The following ZSCAN32 variants were observed in gnomAD, a reference collection of about 807,000 sequenced individuals.
ZSCAN32 encodes zinc finger and SCAN domain containing 32.
Under a neutral mutation model 47.4 loss-of-function variants are expected in ZSCAN32, and 52 were observed. That is an observed-to-expected ratio of 1.10 (90% CI 0.88 to 1.38). The LOEUF (loss-of-function observed/expected upper bound fraction) is 1.38, where lower values mean the gene tolerates loss of function less well. Among genes scored for constraint, ZSCAN32 ranks in the 40% most tolerant of loss-of-function variants. The probability of loss-of-function intolerance (pLI) is 0.00; values close to 1 mark genes in which losing one functional copy is unlikely to be tolerated. For missense variants in ZSCAN32, 959 were observed against 846.0 expected, an observed-to-expected ratio of 1.13 and a Z score of -1.66; for synonymous variants, 346 against 305.7, an observed-to-expected ratio of 1.13 and a Z score of -1.38.
Position 3,390,423 on chromosome 16 carries a change from C to G in ZSCAN32, c.627G>C (p.Gln209His), listed in dbSNP as rs1202499159. 6 of 1,549,208 alleles carry G rather than the reference C, an allele frequency of 3.9e-6. No homozygotes were observed. The highest frequency in any genetic ancestry group is 5.2e-6 in the Non-Finnish European group (6 of 1,146,376). Reference sequence around the variant, plus strand: ...ACAGAAGGCATCAACCACAGCTCACCTGGGACCCAGCTGTCCAGACCACAG... The same window carrying G: ...ACAGAAGGCATCAACCACAGCTCACGTGGGACCCAGCTGTCCAGACCACAG... ...TGAVVWTAGSQGPAMRDNRAV... is the reference protein window; with the variant it reads ...TGAVVWTAGSHGPAMRDNRAV... The change falls in exon 4 of 7, where the codon CAG (glutamine) becomes CAC (histidine). Residue 209 changes from glutamine to histidine, a missense_variant and splice_region_variant. Gln to His is a conservative substitution (Grantham distance 24). Transcript: ENST00000396852.
intron 5 of ZSCAN32, among the ~76,000 whole-genome samples, chr16:3,387,271 A>G (rs1314054666): frequency 6.6e-6 from 1 of 152,164 alleles, no homozygotes; most frequent in Non-Finnish European, 1.5e-5. Context: ...TACTCAAGGA[A>G]AGCAAAGATT....
intron 5 of ZSCAN32, among the ~76,000 whole-genome samples, chr16:3,385,949 C>T (rs2150874387): frequency 6.6e-6 from 1 of 152,294 alleles, no homozygotes; most frequent in Non-Finnish European, 1.5e-5. Flanking sequence ...CAAATGGGAT[C>T]TAATTAAACC....
chr16:3,398,143 A>G (rs1258451042), intron 1 of ZSCAN32, among the ~76,000 whole-genome samples: 3 of 152,236 alleles, frequency 2.0e-5, no homozygotes, highest in Non-Finnish European at 4.4e-5. Context: ...GAATTCTGCT[A>G]AGATGCAGGC....
chr16:3,383,278 C>T lies in ZSCAN32; in HGVS notation c.1668G>A (p.Lys556=), dbSNP rs142045528. 7.2e-5 allele frequency: 117 copies of T among 1,614,220 alleles called. No homozygotes were observed. The highest frequency in any genetic ancestry group is 9.7e-5 in the Non-Finnish European group (115 of 1,180,044). Residue 556 remains lysine, a synonymous_variant, in exon 7 of 7, where the codon AAG becomes AAA. Coordinates refer to ENST00000396852, the MANE Select transcript of ZSCAN32 (RefSeq NM_001284527.2). The part of the protein sequence containing the change: ...EKPHKCSECG[K]GFSERSNLTA... ...TGAGGTTGGAGCGCTCACTAAAGCC[C>T]TTCCCGCACTCACTGCACTTGTGAG...
At chr16:3,400,460 C>T (rs2033786490) in intron 1 of ZSCAN32, among the ~76,000 whole-genome samples, 1 of 152,166 alleles carries the variant, frequency 6.6e-6, no homozygotes. Flanking sequence ...TTCTTGACCC[C>T]TTTTGACCCC....
intron 2 of ZSCAN32, 68 bp downstream of exon 2, chr16:3,397,124 T>C (rs894141961): frequency 6.8e-7 from 1 of 1,464,494 alleles, no homozygotes; most frequent in African/African-American, 1.4e-5. Flanking sequence ...ACCAAGCACC[T>C]CTCCAGTAAC....
At chr16:3,399,476 A>G (rs1052054034) in intron 1 of ZSCAN32, among the ~76,000 whole-genome samples, 1 of 152,234 alleles carries the variant, frequency 6.6e-6, no homozygotes, top group African/African-American at 2.4e-5. Context: ...TTACAAGAGG[A>G]CAATATACTC....
At position 3,397,288 on chromosome 16, in the gene ZSCAN32, T is replaced by C. The variant is rs2033464311; in HGVS notation, c.270A>G (p.Pro90=). The change falls in exon 2 of 7, where the codon CCA becomes CCG. Residue 90 remains proline (P), a synonymous_variant. Transcript: ENST00000396852. ...LVLEQFLTIL[P]EEIQTWVREQ... is the part of the protein sequence containing the mutation. ...CCCTCACCCAGGTCTGGATCTCCTC[T>C]GGCAAGATAGTCAGAAACTGCTCCA... The C allele has an allele frequency of 6.4e-7, 1 of 1,572,184 alleles. No individual in the cohort carries two copies. The highest frequency in any genetic ancestry group is 8.6e-7 in the Non-Finnish European group (1 of 1,158,682).
At chr16:3,393,618 GCCT>G (rs2033077918) in intron 3 of ZSCAN32, 28 bp downstream of exon 3, 1 of 1,500,692 alleles carries the variant, frequency 6.7e-7, no homozygotes, top group African/African-American at 1.4e-5. Context: ...TTCCTCACCT[GCCT>G]CAGGTGAGGA....
chr16:3,390,073 C>T lies in ZSCAN32; in HGVS notation c.688G>A (p.Gly230Ser). The T allele has an allele frequency of 1.2e-6, 2 of 1,614,068 alleles. No individual in the cohort carries two copies. ...SLCQQEWMCP[G>S]PAQRALYRGA... is the part of the protein sequence containing the mutation. Reference sequence around the variant, plus strand: ...CTGTAGAGGGCCCTTTGTGCAGGGCCTGGGCACATCCATTCTTGCTGACAG... The same window carrying T: ...CTGTAGAGGGCCCTTTGTGCAGGGCTTGGGCACATCCATTCTTGCTGACAG... The change falls in exon 5 of 7, where the codon GGC becomes AGC. Residue 230 changes from glycine to serine, a missense_variant. Transcript: ENST00000396852.
intron 5 of ZSCAN32, among the ~76,000 whole-genome samples, chr16:3,387,026 G>A (rs2032092020): frequency 2.0e-5 from 3 of 151,720 alleles, no homozygotes; most frequent in Admixed American, 1.3e-4. Context: ...ATCTCACTGT[G>A]GCTTTTTGTC....
chr16:3,390,062 T>C lies in ZSCAN32; in HGVS notation c.699A>G (p.Gln233=), dbSNP rs746710326. 1 of 1,614,016 alleles carries C rather than the reference T, an allele frequency of 6.2e-7. No individual in the cohort carries two copies. Among genetic ancestry groups the C allele is most frequent in the Non-Finnish European group, 8.5e-7 (1 of 1,179,956 alleles). Residue 233 remains glutamine (Q), a synonymous_variant, in exon 5 of 7, where the codon CAA becomes CAG. Transcript: ENST00000396852. ...QQEWMCPGPA[Q]RALYRGATQR... The stretch of plus-strand genomic sequence containing the variant: ...GGGTGGCACCCCTGTAGAGGGCCCT[T>C]TGTGCAGGGCCTGGGCACATCCATT...
At chr16:3,394,727 C>T (rs1325845819) in intron 2 of ZSCAN32, among the ~76,000 whole-genome samples, 1 of 152,192 alleles carries the variant, frequency 6.6e-6, no homozygotes, top group Non-Finnish European at 1.5e-5. Flanking sequence ...GCCCGGCCTC[C>T]TCCCTTTCTC....
At chr16:3,390,196 C>T in intron 4 of ZSCAN32, 63 bp from the exon 5 acceptor site, 3 of 1,510,190 alleles carry the variant, frequency 2.0e-6, no homozygotes, top group Non-Finnish European at 2.7e-6. Flanking sequence ...GGGGTGGGGG[C>T]AGAGACAGGA....
At chr16:3,392,084 C>T (rs959401039) in intron 3 of ZSCAN32, among the ~76,000 whole-genome samples, 1 of 152,158 alleles carries the variant, frequency 6.6e-6, no homozygotes, top group Non-Finnish European at 1.5e-5. Flanking sequence ...TCAAAAGGAA[C>T]AAAGTACTGA....
chr16:3,391,697 A>AC (rs71133628), intron 3 of ZSCAN32, among the ~76,000 whole-genome samples: 37,272 of 143,506 alleles, frequency 0.26, 5,494 homozygotes, highest in African/African-American at 0.29. Context: ...AAAAAAAAAA[A>AC]CAAAATACTA....
rs1172622485 is a variant in ZSCAN32 at position 3,390,464 on chromosome 16, C to T, written c.586G>A (p.Asp196Asn). 2.6e-6 allele frequency: 4 copies of T among 1,549,846 alleles called. No individual in the cohort carries two copies. In the South Asian group the frequency reaches 3.6e-5, roughly 14 times the overall value. Residue 196 changes from aspartate (D) to asparagine (N), a missense_variant, in exon 4 of 7, where the codon GAC (aspartate) becomes AAC (asparagine). Coordinates refer to ENST00000396852, the MANE Select transcript of ZSCAN32 (RefSeq NM_001284527.2). Reference protein sequence around the residue: ...RNLPQNTGLHDQETGAVVWTA... With the variant: ...RNLPQNTGLHNQETGAVVWTA... ...CAGACCACAGCACCTGTCTCCTGGT[C>T]GTGGAGACCTGTGTTTTGAGGCAGG...
In ZSCAN32 at chr16:3,390,392, C is replaced by T. The variant is rs1344400490; in HGVS notation, c.627+31G>A. The T allele has an allele frequency of 7.8e-6, 12 of 1,531,244 alleles. No individual in the cohort carries two copies. The African/African-American group carries it at 1.2e-4, about 16-fold the overall frequency. 94.9% of individuals were successfully genotyped at this position (1,531,244 alleles called of 1,614,324 possible). ...GGGTTTTGGGGTGAGAGTGGGTACT[C>T]AAGAGACAGAAGGCATCAACCACAG... On this transcript the variant is annotated intron_variant, in intron 4 of 6. Transcript: ENST00000396852.
At chr16:3,394,759 T>G (rs987844056) in intron 2 of ZSCAN32, among the ~76,000 whole-genome samples, 23 of 152,164 alleles carry the variant, frequency 1.5e-4, no homozygotes, top group African/African-American at 5.5e-4. Flanking sequence ...TTCCCCAGTC[T>G]CTGAGCTCCA....
Sources: allele counts gnomAD v4.1 joint callset (sites outside exome capture counted in the v4.1 genomes callset), GRCh38; gene constraint gnomAD v4.1.1; transcripts MANE v1.5; gene names NCBI Gene and HGNC (gene_info 2026-07-23, HGNC 2026-07-21).